The following CTNNA3 variants were observed in gnomAD, a reference collection of about 807,000 sequenced individuals.
CTNNA3 encodes the protein catenin alpha 3.
CTNNA3 carries 76 observed loss-of-function variants against 95.7 expected under a neutral mutation model. The observed-to-expected ratio is 0.79, with a 90% confidence interval of 0.66 to 0.96. The LOEUF (loss-of-function observed/expected upper bound fraction) is 0.96, where lower values mean the gene tolerates loss of function less well. Among genes scored for constraint, CTNNA3 ranks in the 40% least tolerant of loss-of-function variants. The pLI, the probability that CTNNA3 is intolerant of heterozygous loss-of-function variation, is 0.00. For synonymous variants in CTNNA3, 431 were observed against 374.4 expected (o/e 1.15, Z -1.74); for missense variants, 1,191 against 1,089.8 (o/e 1.09, Z -1.31).
intron 12 of CTNNA3, among the ~76,000 whole-genome samples, chr10:66,297,487 T>C (rs1021261526): frequency 6.6e-5 from 10 of 152,174 alleles, no homozygotes; most frequent in Admixed American, 2.0e-4. Flanking sequence ...TTTACATCTG[T>C]ACCAAAAGTA....
chr10:66,924,497 C>T (rs1846956433), intron 7 of CTNNA3, among the ~76,000 whole-genome samples: 1 of 152,106 alleles, frequency 6.6e-6, no homozygotes, highest in South Asian at 2.1e-4. Flanking sequence ...TAGTCATGAT[C>T]CACAGAACCA....
chr10:67,537,745 C>A (rs530037150), intron 4 of CTNNA3, among the ~76,000 whole-genome samples: 68 of 152,210 alleles, frequency 4.5e-4, no homozygotes, highest in African/African-American at 1.4e-3. Context: ...AATTACCTGC[C>A]ACTTAATCTT....
chr10:67,406,947 GCCCA>G (rs1845159774), intron 5 of CTNNA3, among the ~76,000 whole-genome samples: 1 of 152,022 alleles, frequency 6.6e-6, no homozygotes, highest in Non-Finnish European at 1.5e-5. Context: ...ACCAAAAAAA[GCCCA>G]TAACCAGATG....
chr10:67,600,367 T>G (rs1324511676), intron 3 of CTNNA3, among the ~76,000 whole-genome samples: 1 of 152,076 alleles, frequency 6.6e-6, no homozygotes, highest in Admixed American at 6.5e-5. Flanking sequence ...AACAAAATAA[T>G]AATTTGGAAT....
chr10:66,679,754 T>C (rs1846999139), intron 9 of CTNNA3, among the ~76,000 whole-genome samples: 2 of 152,170 alleles, frequency 1.3e-5, no homozygotes, highest in African/African-American at 4.8e-5. Context: ...GAAGATAAAG[T>C]TGGACTGTGA....
intron 7 of CTNNA3, among the ~76,000 whole-genome samples, chr10:66,917,703 G>A (rs377674770): frequency 4.6e-4 from 70 of 152,276 alleles, no homozygotes; most frequent in African/African-American, 1.3e-3. Flanking sequence ...CCAGGAAGTC[G>A]AATTTTAAAA....
rs373081692 is a variant in CTNNA3, at chr10:65,920,517, C to A, written c.2501G>T (p.Arg834Leu). 119 of 1,614,108 alleles carry A rather than the reference C, an allele frequency of 7.4e-5. No homozygotes were observed. The highest frequency in any genetic ancestry group is 2.0e-4 in the Admixed American group (12 of 60,020). ...CCGGGGCCCAGCAGGACTCTGGATT[C>A]GGATGATCTTGGTTGAGGCAATGTA... ...MSYIASTKII[R>L]IQSPAGPRHP... Residue 834 changes from arginine (R) to leucine (L), a missense_variant, in exon 18 of 18, where the codon CGA (arginine) becomes CTA (leucine). By Grantham distance (102) the Arg-to-Leu change is moderately radical (BLOSUM62 -2). Coordinates refer to ENST00000433211, the MANE Select transcript of CTNNA3 (RefSeq NM_013266.4).
chr10:66,033,086 A>G (rs951963215), intron 15 of CTNNA3, among the ~76,000 whole-genome samples: 1 of 151,830 alleles, frequency 6.6e-6, no homozygotes, highest in African/African-American at 2.4e-5. Context: ...TCCTCCCTGG[A>G]AGTTACACTG....
chr10:67,195,388 G>C (rs926190690), intron 6 of CTNNA3, among the ~76,000 whole-genome samples: 1 of 151,810 alleles, frequency 6.6e-6, no homozygotes, highest in Non-Finnish European at 1.5e-5. Flanking sequence ...ACTCACATTG[G>C]GAAAGTGGTT....
At chr10:66,338,638 G>C (rs1179513378) in intron 12 of CTNNA3, among the ~76,000 whole-genome samples, 2 of 151,784 alleles carry the variant, frequency 1.3e-5, no homozygotes, top group Non-Finnish European at 2.9e-5. Context: ...GAATAAACAG[G>C]GGAATGAAAA....
At chr10:67,236,523 G>GA (rs1554810622) in intron 5 of CTNNA3, among the ~76,000 whole-genome samples, 3 of 148,428 alleles carry the variant, frequency 2.0e-5, no homozygotes, top group Non-Finnish European at 4.5e-5. Flanking sequence ...GGGTGGGGGG[G>GA]GTGGGGAGGG....
chr10:67,022,659 C>T (rs1038433078), intron 7 of CTNNA3, among the ~76,000 whole-genome samples: 3 of 152,070 alleles, frequency 2.0e-5, no homozygotes, highest in Non-Finnish European at 2.9e-5. Context: ...CACTGAAGGC[C>T]GGGCACGGTG....
intron 17 of CTNNA3, among the ~76,000 whole-genome samples, chr10:65,941,784 T>C (rs768066381): frequency 4.5e-4 from 69 of 152,178 alleles, no homozygotes; most frequent in Non-Finnish European, 8.5e-4. Context: ...CTTCCACCTG[T>C]TGGAAACTTA....
At chr10:66,982,000 A>G (rs1032052472) in intron 7 of CTNNA3, among the ~76,000 whole-genome samples, 2 of 152,214 alleles carry the variant, frequency 1.3e-5, no homozygotes, top group African/African-American at 4.8e-5. Context: ...GCTCTTGGTG[A>G]CTTTTGACAA....
Position 66,280,518 on chromosome 10 carries a change from C to A in CTNNA3, c.1836G>T (p.Lys612Asn), listed in dbSNP as rs774209973. 2.1e-5 allele frequency: 34 copies of A among 1,609,358 alleles called. 1 individual carries two copies. The highest frequency in any genetic ancestry group is 6.6e-5 in the South Asian group (6 of 90,626). ...DDNQFVDISK[K>N]IYDTIHDIRC... ...TGATATCATGAATTGTATCATAGAT[C>A]TTCTTTGAGATGTCCACAAATTGAT... The change falls in exon 13 of 18, where the codon AAG becomes AAT. Residue 612 changes from lysine to asparagine, a missense_variant. Coordinates refer to ENST00000433211, the MANE Select transcript of CTNNA3 (RefSeq NM_013266.4).
intron 1 of CTNNA3, among the ~76,000 whole-genome samples, chr10:67,731,603 C>T (rs1235391017): frequency 6.6e-6 from 1 of 151,904 alleles, no homozygotes; most frequent in East Asian, 1.9e-4. Flanking sequence ...GAGATCGAGA[C>T]CATCCTGGCT....
At chr10:66,704,721 C>T (rs1848062500) in intron 9 of CTNNA3, among the ~76,000 whole-genome samples, 1 of 152,102 alleles carries the variant, frequency 6.6e-6, no homozygotes, top group Non-Finnish European at 1.5e-5. Flanking sequence ...ATAGAATTTT[C>T]CACTTGTGGT....
intron 11 of CTNNA3, among the ~76,000 whole-genome samples, chr10:66,465,505 C>T (rs1044650568): frequency 6.6e-6 from 1 of 152,126 alleles, no homozygotes; most frequent in African/African-American, 2.4e-5. Context: ...CTGGTTAAGA[C>T]CTGCACTGAA....
chr10:66,139,014 T>A (rs1258165746), intron 13 of CTNNA3, among the ~76,000 whole-genome samples: 3 of 152,186 alleles, frequency 2.0e-5, no homozygotes, highest in African/African-American at 7.2e-5. Context: ...AAAGCCAAAG[T>A]TTCCCCCAGG....
Sources: gnomAD v4.1 joint callset for allele counts (sites outside exome capture counted in the v4.1 genomes callset) on GRCh38, gnomAD v4.1.1 for gene constraint, MANE v1.5 for transcripts, NCBI Gene and HGNC (gene_info 2026-07-23, HGNC 2026-07-21) for gene names.